Variants in CFAP47 observed in about 807,000 individuals in gnomAD.
CFAP47 encodes cilia and flagella associated protein 47.
A neutral mutation model predicts 148.1 loss-of-function variants in CFAP47; 29 were observed. That is an observed-to-expected ratio of 0.20 (90% CI 0.15 to 0.27). The LOEUF is 0.27. Among genes scored for constraint, CFAP47 ranks in the 10% least tolerant of loss-of-function variants. The pLI is 1.00. For missense variants in CFAP47, 1,872 were observed against 1,697.5 expected (o/e 1.10, Z -1.81); for synonymous variants, 664 against 577.3 (o/e 1.15, Z -2.15).
chrX:36,185,119 G>T (rs782509273), intron 40 of CFAP47, among the ~76,000 whole-genome samples: 15 of 110,975 alleles, frequency 1.4e-4, no homozygotes, highest in Non-Finnish European at 2.6e-4. Context: ...AGTTCTGGAG[G>T]CTGGGAGGCT....
intron 44 of CFAP47, among the ~76,000 whole-genome samples, chrX:36,203,954 T>G (rs781986353): frequency 2.1e-4 from 24 of 111,954 alleles, no homozygotes; most frequent in Non-Finnish European, 3.9e-4. Context: ...CAAAATTGTC[T>G]TTAGTGAAAT....
intron 33 of CFAP47, among the ~76,000 whole-genome samples, chrX:36,109,583 C>T (rs780944330): frequency 1.8e-5 from 2 of 111,509 alleles, no homozygotes; most frequent in Admixed American, 9.5e-5. Context: ...TCAAGCGATT[C>T]TCCTGCCTCA....
chrX:36,379,978 A>G lies in CFAP47; in HGVS notation c.9354+460A>G, dbSNP rs1361029775. The stretch of plus-strand genomic sequence containing the variant: ...ATATATAACATTTATTTTGAATTGA[A>G]AAAAAAAATGATGTGAGCCAGTAAT... On this transcript the variant is annotated intron_variant, in intron 63 of 63. Coordinates refer to ENST00000378653, the MANE Select transcript of CFAP47 (RefSeq NM_001304548.2). Among the ~76,000 whole-genome samples, 3 of 110,120 alleles carry G rather than the reference A, an allele frequency of 2.7e-5. No homozygotes were observed. The Admixed American group carries it at 2.9e-4, about 11-fold the overall frequency.
chrX:36,350,566 C>A (rs1941735707), intron 59 of CFAP47, among the ~76,000 whole-genome samples: 1 of 111,217 alleles, frequency 9.0e-6, no homozygotes, highest in Non-Finnish European at 1.9e-5. Flanking sequence ...ATGGTGTTCC[C>A]CCAAACCAGT....
chrX:36,070,137 T>C (rs1937720428), intron 27 of CFAP47, among the ~76,000 whole-genome samples: 1 of 112,258 alleles, frequency 8.9e-6, no homozygotes, highest in African/African-American at 3.2e-5. Flanking sequence ...TAAATGACTC[T>C]GTTATGAAAG....
chrX:36,076,396 ATC>A (rs1283861818), intron 29 of CFAP47, among the ~76,000 whole-genome samples: 3 of 93,712 alleles, frequency 3.2e-5, no homozygotes, highest in Non-Finnish European at 6.2e-5. Context: ...CCTCACAAAC[ATC>A]TCTTTTTTTT....
At chrX:36,266,440 G>T (rs1411095957) in intron 49 of CFAP47, among the ~76,000 whole-genome samples, 1 of 111,326 alleles carries the variant, frequency 9.0e-6, no homozygotes, top group African/African-American at 3.3e-5. Context: ...TGTAGGAGGT[G>T]CTCTGGCAGG....
intron 47 of CFAP47, 61 bp from the exon 48 acceptor site, chrX:36,236,625 G>T: frequency 2.1e-6 from 1 of 480,119 alleles, no homozygotes; most frequent in South Asian, 3.1e-5. Flanking sequence ...TAAGATAGCA[G>T]AGGTTGTTTA....
At chrX:35,927,009 C>G (rs920731600) in intron 2 of CFAP47, among the ~76,000 whole-genome samples, 1 of 108,167 alleles carries the variant, frequency 9.2e-6, no homozygotes, top group Non-Finnish European at 1.9e-5. Flanking sequence ...GAAAAAAAAA[C>G]CTGGGAGTGG....
chrX:36,036,199 G>A (rs1014572988), intron 24 of CFAP47, among the ~76,000 whole-genome samples: 6 of 110,357 alleles, frequency 5.4e-5, no homozygotes, highest in African/African-American at 9.9e-5. Context: ...TTTGATCAAC[G>A]TCTCCCCATT....
In CFAP47 at chrX:36,310,861, G is replaced by T; in HGVS notation, c.8216G>T (p.Gly2739Val). The T allele has an allele frequency of 8.7e-7, 1 of 1,150,578 alleles. No individual in the cohort carries two copies. Among genetic ancestry groups the T allele is most frequent in the Non-Finnish European group, 1.2e-6 (1 of 861,826 alleles). 94.8% of individuals were successfully genotyped at this position (1,150,578 alleles called of 1,213,427 possible). Residue 2739 changes from glycine to valine, a missense_variant, in exon 56 of 64, where the codon GGA (glycine) becomes GTA (valine). Coordinates refer to ENST00000378653, the MANE Select transcript of CFAP47 (RefSeq NM_001304548.2). ...QFTEWKFYLSGVGLFPQPLDT... is the reference protein window; with the variant it reads ...QFTEWKFYLSVVGLFPQPLDT... Reference sequence around the variant, plus strand: ...ACAGAATGGAAATTCTACTTATCTGGAGTAGGACTATTTCCCCAGCCTCTA... The same window carrying T: ...ACAGAATGGAAATTCTACTTATCTGTAGTAGGACTATTTCCCCAGCCTCTA...
At chrX:36,260,570 G>C (rs192307899) in intron 49 of CFAP47, among the ~76,000 whole-genome samples, 1 of 111,820 alleles carries the variant, frequency 8.9e-6, no homozygotes, top group Non-Finnish European at 1.9e-5. Flanking sequence ...TTTTTAATGG[G>C]GTTGTTTGCT....
chrX:36,170,298 T>C (rs1191276127), intron 39 of CFAP47, among the ~76,000 whole-genome samples: 3 of 111,903 alleles, frequency 2.7e-5, no homozygotes, highest in Non-Finnish European at 3.8e-5. Context: ...TATTTATTTA[T>C]TTATTCATTA....
chrX:36,084,466 T>C (rs2146775358), intron 29 of CFAP47, among the ~76,000 whole-genome samples: 1 of 111,605 alleles, frequency 9.0e-6, no homozygotes, highest in African/African-American at 3.2e-5. Flanking sequence ...GGTAGTCTAT[T>C]TCTTGCCCAG....
rs996132867 is a variant in CFAP47 at position 35,946,984 on chromosome X, A to G, written c.518-1330A>G. ...TATGAACCATTTCTGCTTTCAGAAT[A>G]AGAATCTTTGTACCCTCCTTCTCAT... On this transcript the variant is annotated intron_variant, in intron 3 of 63. Transcript: ENST00000378653. 3.9e-4 allele frequency among the ~76,000 whole-genome samples: 44 copies of G among 111,732 alleles called. 1 individual carries two copies. Among genetic ancestry groups the G allele is most frequent in the African/African-American group, 1.4e-3 (44 of 30,743 alleles).
chrX:35,966,402 T>C (rs948363905), intron 8 of CFAP47, among the ~76,000 whole-genome samples, 163 bp from the exon 9 acceptor site: 1 of 107,555 alleles, frequency 9.3e-6, no homozygotes, highest in Non-Finnish European at 1.9e-5. Flanking sequence ...AAGTAATGAA[T>C]ATTTTAAAAG....
At chrX:35,984,386 T>TTATTA (rs1364437799) in intron 15 of CFAP47, among the ~76,000 whole-genome samples, 1 of 111,499 alleles carries the variant, frequency 9.0e-6, no homozygotes, top group East Asian at 2.8e-4. Flanking sequence ...TCAATCTTAT[T>TTATTA]TATTCCTTCA....
chrX:36,207,505 ATGT>A (rs782002432), intron 45 of CFAP47, among the ~76,000 whole-genome samples: 1 of 111,574 alleles, frequency 9.0e-6, no homozygotes, highest in East Asian at 2.8e-4. Context: ...TCTCACATTA[ATGT>A]TGTCAATCAG....
chrX:36,285,264 G>A (rs1320080470), intron 50 of CFAP47, among the ~76,000 whole-genome samples: 2 of 111,021 alleles, frequency 1.8e-5, no homozygotes, highest in African/African-American at 6.5e-5. Flanking sequence ...ATATATCTAT[G>A]TACAAATACA....
Sources: gnomAD v4.1 joint callset for allele counts (sites outside exome capture counted in the v4.1 genomes callset) on GRCh38, gnomAD v4.1.1 for gene constraint, MANE v1.5 for transcripts, NCBI Gene and HGNC (gene_info 2026-07-23, HGNC 2026-07-21) for gene names.